NTM: variants seen among roughly 807,000 people sequenced by gnomAD.
NTM encodes neurotrimin, also known as IgLON family member 2.
Under a neutral mutation model 42.1 loss-of-function variants are expected in NTM, and 13 were observed. The ratio of observed to expected loss-of-function variants is 0.31; its 90% CI spans 0.20 to 0.49. The LOEUF is 0.49. Among genes scored for constraint, NTM ranks in the 20% least tolerant of loss-of-function variants. The probability of loss-of-function intolerance (pLI) is 0.99; values close to 1 mark genes in which losing one functional copy is unlikely to be tolerated. For missense variants in NTM, 373 were observed against 452.8 expected (o/e 0.82, Z 1.60); for synonymous variants, 187 against 179.2 (o/e 1.04, Z -0.35).
intron 1 of NTM, among the ~76,000 whole-genome samples, chr11:131,538,880 A>G (rs114019463): frequency 6.6e-6 from 1 of 152,092 alleles, no homozygotes; most frequent in African/African-American, 2.4e-5. Context: ...TGTTCTCACC[A>G]TAAAAATAAG....
intron 2 of NTM, among the ~76,000 whole-genome samples, chr11:132,017,493 A>G (rs2073625633): frequency 6.6e-6 from 1 of 152,018 alleles, no homozygotes; most frequent in African/African-American, 2.4e-5. Flanking sequence ...TAATTTTGGA[A>G]TCTCAATTTT....
At chr11:131,485,558 A>G (rs1201227425) in intron 1 of NTM, among the ~76,000 whole-genome samples, 3 of 152,228 alleles carry the variant, frequency 2.0e-5, no homozygotes, top group African/African-American at 4.8e-5. Flanking sequence ...CCACCAAGGC[A>G]TGTCTATTTC....
intron 1 of NTM, among the ~76,000 whole-genome samples, chr11:131,524,785 C>T (rs190141206): frequency 2.4e-4 from 37 of 152,308 alleles, no homozygotes; most frequent in African/African-American, 8.7e-4. Context: ...AGGGACAATT[C>T]AGACTATGAC....
chr11:132,244,679 C>T (rs1181797007), intron 4 of NTM, among the ~76,000 whole-genome samples: 1 of 152,202 alleles, frequency 6.6e-6, no homozygotes, highest in Admixed American at 6.5e-5. Context: ...ACCACACTAG[C>T]TTCTCTGTAC....
chr11:131,649,405 A>G (rs1259405249), intron 1 of NTM, among the ~76,000 whole-genome samples: 2 of 152,218 alleles, frequency 1.3e-5, no homozygotes, highest in Admixed American at 1.3e-4. Context: ...CGGGATAAAA[A>G]GTGGTCTGAA....
At chr11:131,488,587 G>T (rs1954440284) in intron 1 of NTM, among the ~76,000 whole-genome samples, 1 of 152,144 alleles carries the variant, frequency 6.6e-6, no homozygotes, top group Non-Finnish European at 1.5e-5. Context: ...ACTTCACGAT[G>T]GCAAGTGCAG....
At chr11:131,962,690 C>T (rs2062353028) in intron 2 of NTM, among the ~76,000 whole-genome samples, 1 of 152,236 alleles carries the variant, frequency 6.6e-6, no homozygotes, top group Non-Finnish European at 1.5e-5. Flanking sequence ...TTGCAATCCA[C>T]ACAAAGTTCC....
chr11:131,381,321 GAC>G (rs1942651544), intron 1 of NTM, among the ~76,000 whole-genome samples: 6 of 152,172 alleles, frequency 3.9e-5, no homozygotes, highest in Admixed American at 6.5e-5. Flanking sequence ...TAGAGTACTT[GAC>G]TTTCTTCCTG....
Position 132,317,084 on chromosome 11 carries a change from T to TC in NTM, c.934+2382dup, listed in dbSNP as rs373487968. On this transcript the variant is annotated intron_variant, in intron 7 of 8. Transcript: ENST00000683400. The stretch of plus-strand genomic sequence containing the variant: ...GGAATTCTGGTGCAAGAGACCATAG[T>TC]CGGCGGTCTGGGAATACTTAAGCCA... Among the ~76,000 whole-genome samples, 313 of 152,248 alleles carry TC rather than the reference T, an allele frequency of 2.1e-3. 1 individual carries two copies. Among genetic ancestry groups the TC allele is most frequent in the African/African-American group, 7.2e-3 (300 of 41,522 alleles).
chr11:131,633,592 TCTCA>T (rs1264386926), intron 1 of NTM, among the ~76,000 whole-genome samples: 29 of 132,692 alleles, frequency 2.2e-4, no homozygotes, highest in African/African-American at 8.3e-4. Context: ...TCTCTCCCTC[TCTCA>T]CTCCCTCCCT....
chr11:132,268,072 T>C (rs571530030), intron 4 of NTM, among the ~76,000 whole-genome samples: 3 of 152,300 alleles, frequency 2.0e-5, no homozygotes, highest in Admixed American at 6.5e-5. Context: ...CCTGGGTTCA[T>C]ACCTATAATA....
chr11:131,828,134 A>T (rs1003234353), intron 1 of NTM, among the ~76,000 whole-genome samples: 10 of 152,156 alleles, frequency 6.6e-5, no homozygotes, highest in African/African-American at 2.4e-4. Flanking sequence ...TGAAGAAAAA[A>T]AAAAACAACT....
In NTM at chr11:132,148,390, C is replaced by T. The variant is rs536980574; in HGVS notation, c.400+1876C>T. 2.0e-5 allele frequency among the ~76,000 whole-genome samples: 3 copies of T among 152,250 alleles called. No homozygotes were observed. The South Asian group carries it at 6.2e-4, about 32-fold the overall frequency. Reference sequence around the variant, plus strand: ...AGGGCTGGTGAATGCCCTGGTGCCACCATCTGCATACTCTACCAGGTGGTG... The same window carrying T: ...AGGGCTGGTGAATGCCCTGGTGCCATCATCTGCATACTCTACCAGGTGGTG... On this transcript the variant is annotated intron_variant, in intron 3 of 8. Transcript: ENST00000683400.
chr11:132,142,721 C>T (rs555203315), intron 2 of NTM, among the ~76,000 whole-genome samples: 9 of 152,172 alleles, frequency 5.9e-5, no homozygotes, highest in African/African-American at 1.4e-4. Flanking sequence ...TGTTCAGAAC[C>T]GCAGCTGGAA....
chr11:132,188,662 G>T (rs892136142), intron 3 of NTM, among the ~76,000 whole-genome samples: 1 of 151,936 alleles, frequency 6.6e-6, no homozygotes, highest in African/African-American at 2.4e-5. Flanking sequence ...TGCTGTATGT[G>T]CAATGTTGTT....
intron 1 of NTM, among the ~76,000 whole-genome samples, chr11:131,591,279 G>A (rs11222709): frequency 0.4 from 60,554 of 152,110 alleles, 13,860 homozygotes; most frequent in East Asian, 0.56. Context: ...TGGGGAAAGG[G>A]GGGCCCTCCT....
chr11:132,317,487 G>T (rs145017592), intron 7 of NTM, among the ~76,000 whole-genome samples: 2 of 152,164 alleles, frequency 1.3e-5, no homozygotes, highest in East Asian at 1.9e-4. Context: ...TTCTCTTGCC[G>T]CACCTTGTCC....
intron 1 of NTM, among the ~76,000 whole-genome samples, chr11:131,713,709 C>A (rs1307960743): frequency 2.6e-5 from 4 of 152,122 alleles, no homozygotes; most frequent in Non-Finnish European, 5.9e-5. Flanking sequence ...GTGTTGTTAG[C>A]GTGGCAAATC....
intron 1 of NTM, among the ~76,000 whole-genome samples, chr11:131,873,563 GTATATATATACA>G (rs2048042809): frequency 3.1e-5 from 1 of 32,184 alleles, no homozygotes; most frequent in South Asian, 7.1e-4. Flanking sequence ...TATATATACC[GTATATATATACA>G]TATATATATA....
Sources: allele counts gnomAD v4.1 joint callset (sites outside exome capture counted in the v4.1 genomes callset), GRCh38; gene constraint gnomAD v4.1.1; transcripts MANE v1.5; gene names NCBI Gene and HGNC (gene_info 2026-07-23, HGNC 2026-07-21).